PPARGC1B: variants seen among roughly 807,000 people sequenced by gnomAD.
PPARGC1B encodes PPARG coactivator 1 beta.
In PPARGC1B, 34 loss-of-function variants were observed where a neutral mutation model predicts 101.6. The ratio of observed to expected loss-of-function variants is 0.33; its 90% CI spans 0.25 to 0.45. The LOEUF (loss-of-function observed/expected upper bound fraction) is 0.45, where lower values mean the gene tolerates loss of function less well. Ranked by LOEUF, PPARGC1B falls within the 20% of genes least tolerant of loss-of-function variation. The pLI is 1.00. For synonymous variants in PPARGC1B, 548 were observed against 539.3 expected (o/e 1.02, Z -0.22); for missense variants, 1,234 against 1,317.6 (o/e 0.94, Z 0.98).
At chr5:149,735,290 G>A (rs1425295773) in intron 1 of PPARGC1B, among the ~76,000 whole-genome samples, 2 of 152,098 alleles carry the variant, frequency 1.3e-5, no homozygotes, top group African/African-American at 2.4e-5. Context: ...TGTGCCCCAC[G>A]GGCTCATATT....
At chr5:149,761,613 G>A (rs868519293) in intron 1 of PPARGC1B, 1 of 152,200 alleles carries the variant, frequency 6.6e-6, no homozygotes, top group Non-Finnish European at 1.5e-5. Flanking sequence ...AGAAAATGTG[G>A]TATGTACATA....
Position 149,826,840 on chromosome 5 carries a change from G to A in PPARGC1B, c.420G>A (p.Pro140=), listed in dbSNP as rs374853976. ...APSSAPPSPA[P]EKPSAPAPEV... ...CATCTGCACCCCCCAGCCCTGCCCC[G>A]GAGAAGCCCTCGGCCCCAGCCCCTG... is the stretch of plus-strand genomic sequence containing the variant. The change falls in exon 3 of 12, where the codon CCG becomes CCA. Residue 140 remains proline, a synonymous_variant. Transcript: ENST00000309241. 5.9e-4 allele frequency: 946 copies of A among 1,613,688 alleles called. 11 individuals carry two copies. The South Asian group carries it at 8.4e-3, about 14-fold the overall frequency.
At position 149,842,372 on chromosome 5, in the gene PPARGC1B, T is replaced by C; in HGVS notation, c.2811T>C (p.Asn937=). The C allele has an allele frequency of 1.9e-6, 3 of 1,612,938 alleles. No homozygotes were observed. Among genetic ancestry groups the C allele is most frequent in the East Asian group, 2.2e-5 (1 of 44,844 alleles). The stretch of plus-strand genomic sequence containing the variant: ...AGGAGTGCGAGGTGCTGACAAGAAA[T>C]AGGAGGTGAGTTGAACCAAGCCATG... ...EIEECEVLTR[N]RRGEKYGFIT... Residue 937 remains asparagine, a synonymous_variant, in exon 10 of 12, where the codon AAT becomes AAC. Transcript: ENST00000309241.
At chr5:149,752,696 G>A (rs1222682248) in intron 1 of PPARGC1B, among the ~76,000 whole-genome samples, 2 of 152,136 alleles carry the variant, frequency 1.3e-5, no homozygotes, top group Admixed American at 6.5e-5. Flanking sequence ...AGGCGTGGTG[G>A]CAGGTGCCTG....
At chr5:149,802,871 A>C (rs2113296359) in intron 1 of PPARGC1B, among the ~76,000 whole-genome samples, 1 of 152,252 alleles carries the variant, frequency 6.6e-6, no homozygotes, top group African/African-American at 2.4e-5. Flanking sequence ...GTATTTAATA[A>C]GCTCCAGGAG....
chr5:149,799,344 C>G (rs2113284097), intron 1 of PPARGC1B, among the ~76,000 whole-genome samples: 1 of 152,296 alleles, frequency 6.6e-6, no homozygotes, highest in East Asian at 1.9e-4. Flanking sequence ...ATTCTCTGCT[C>G]TCCTCTTCTC....
chr5:149,839,787 T>C (rs1329546554), intron 8 of PPARGC1B, among the ~76,000 whole-genome samples: 1 of 152,166 alleles, frequency 6.6e-6, no homozygotes, highest in African/African-American at 2.4e-5. Flanking sequence ...GGGATTATAA[T>C]GAGCAACACA....
rs147731904 is a variant in PPARGC1B at position 149,733,370 on chromosome 5, C to A, written c.78+2950C>A. 8.0e-4 allele frequency among the ~76,000 whole-genome samples: 122 copies of A among 152,336 alleles called. 1 individual carries two copies. The highest frequency in any genetic ancestry group is 3.4e-3 in the Middle Eastern group (1 of 294). On this transcript the variant is annotated intron_variant, in intron 1 of 11. Coordinates refer to ENST00000309241, the MANE Select transcript of PPARGC1B (RefSeq NM_133263.4). The stretch of plus-strand genomic sequence containing the variant: ...CTTCACCTTTGTTCAGGCTATGCCC[C>A]TGGCCCAGAGTACCCTCACTCACCC...
Position 149,830,048 on chromosome 5 carries a change from A to G in PPARGC1B, c.466-719A>G, listed in dbSNP as rs1347647250. ...TGCATCTCAAAAAAAAAAAAAAAAAAAAAAAAGAAAAAAAAAAAAAAACAG... is the reference window on the plus strand; with the variant it reads ...TGCATCTCAAAAAAAAAAAAAAAAAGAAAAAAGAAAAAAAAAAAAAAACAG... On this transcript the variant is annotated intron_variant, in intron 3 of 11. Coordinates refer to ENST00000309241, the MANE Select transcript of PPARGC1B (RefSeq NM_133263.4). 8.3e-5 allele frequency among the ~76,000 whole-genome samples: 10 copies of G among 120,678 alleles called. No individual in the cohort carries two copies. In the East Asian group the frequency reaches 1.3e-3, roughly 15 times the overall value. 79.2% of individuals were successfully genotyped at this position (120,678 alleles called of 152,430 possible). A position where few individuals can be genotyped will look rare whatever the true frequency, so the allele number is the denominator to read the frequency against.
chr5:149,847,337 A>C lies in PPARGC1B; in HGVS notation c.2972-121A>C, dbSNP rs754751327. On this transcript the variant is annotated intron_variant, in intron 11 of 11. Transcript: ENST00000309241. ...GTCCAGCGCTCATCCCAGCTCCCCAAGGCCTTGGGCTGCAGCCACTCCACG... is the reference window on the plus strand; with the variant it reads ...GTCCAGCGCTCATCCCAGCTCCCCACGGCCTTGGGCTGCAGCCACTCCACG... The C allele has an allele frequency of 3.7e-6, 3 of 809,944 alleles. No homozygotes were observed. In the African/African-American group the frequency reaches 5.0e-5, roughly 14 times the overall value. 50.2% of individuals were successfully genotyped at this position (809,944 alleles called of 1,614,324 possible).
chr5:149,769,746 A>C lies in PPARGC1B; in HGVS notation c.78+39326A>C, dbSNP rs1196244086. Among the ~76,000 whole-genome samples, 4 of 152,164 alleles carry C rather than the reference A, an allele frequency of 2.6e-5. No homozygotes were observed. In the South Asian group the frequency reaches 8.3e-4, roughly 32 times the overall value. On this transcript the variant is annotated intron_variant, in intron 1 of 11. Coordinates refer to ENST00000309241, the MANE Select transcript of PPARGC1B (RefSeq NM_133263.4). ...GGCTGCATTCCTTCCCAGGGGCTCC[A>C]GGAGAGAAGCCATTTTCTGGCCTTT...
intron 1 of PPARGC1B, among the ~76,000 whole-genome samples, chr5:149,731,528 C>T (rs932318487): frequency 1.3e-5 from 2 of 150,372 alleles, no homozygotes; most frequent in African/African-American, 2.4e-5. Context: ...CGGAACCGGG[C>T]GCGGCTCGCG....
At chr5:149,799,687 G>GTTTTTTTTTTTTTTTTTTTTTTT (rs1561553708) in intron 1 of PPARGC1B, among the ~76,000 whole-genome samples, 2 of 85,448 alleles carry the variant, frequency 2.3e-5, no homozygotes, top group African/African-American at 8.4e-5. Flanking sequence ...TTGTTTGCTT[G>GTTTTTTTTTTTTTTTTTTTTTTT]TTGTTGTTTT....
At chr5:149,752,841 T>G (rs1755367783) in intron 1 of PPARGC1B, among the ~76,000 whole-genome samples, 1 of 152,124 alleles carries the variant, frequency 6.6e-6, no homozygotes, top group Admixed American at 6.6e-5. Flanking sequence ...TCACTTGAAG[T>G]CAGGAGTCAA....
chr5:149,820,620 A>G lies in PPARGC1B; in HGVS notation c.252+14A>G. The G allele has an allele frequency of 6.3e-7, 1 of 1,599,080 alleles. No homozygotes were observed. Among genetic ancestry groups the G allele is most frequent in the Non-Finnish European group, 8.5e-7 (1 of 1,173,828 alleles). On this transcript the variant is annotated intron_variant, in intron 2 of 11. Transcript: ENST00000309241. The stretch of plus-strand genomic sequence containing the variant: ...GAGCTCTTCCAGGTATGCCCTTTCC[A>G]GTCTCCCCTCCTCCCACCCTGCCAG...
chr5:149,779,043 C>T (rs1265658625), intron 1 of PPARGC1B, among the ~76,000 whole-genome samples: 2 of 152,140 alleles, frequency 1.3e-5, no homozygotes, highest in Non-Finnish European at 2.9e-5. Flanking sequence ...GTCACAAAAA[C>T]TAGACTCCTC....
chr5:149,809,218 A>G, intron 1 of PPARGC1B, among the ~76,000 whole-genome samples: 1 of 21,942 alleles, frequency 4.6e-5, no homozygotes, highest in Admixed American at 6.0e-4. Flanking sequence ...ATAGATAGAT[A>G]GATCCATCTC....
At chr5:149,778,487 G>A (rs1050397579) in intron 1 of PPARGC1B, among the ~76,000 whole-genome samples, 1 of 152,034 alleles carries the variant, frequency 6.6e-6, no homozygotes, top group African/African-American at 2.4e-5. Context: ...CTCATGGAGA[G>A]TACCTGCATC....
Position 149,845,924 on chromosome 5 carries a change from T to C in PPARGC1B, c.2971+10T>C. 6.2e-7 allele frequency: 1 copy of C among 1,614,232 alleles called. No individual in the cohort carries two copies. The highest frequency in any genetic ancestry group is 1.3e-5 in the African/African-American group (1 of 75,068). ...AGATACACTGACTACGGTAAGCCCC[T>C]GAAACCCAGCCACAGTCTAGTAAGA... On this transcript the variant is annotated intron_variant, in intron 11 of 11. Coordinates refer to ENST00000309241, the MANE Select transcript of PPARGC1B (RefSeq NM_133263.4).
Sources: gnomAD v4.1 joint callset for allele counts (sites outside exome capture counted in the v4.1 genomes callset) on GRCh38, gnomAD v4.1.1 for gene constraint, MANE v1.5 for transcripts, NCBI Gene and HGNC (gene_info 2026-07-23, HGNC 2026-07-21) for gene names.